Variants in ANKRD45 observed in about 807,000 individuals in gnomAD.
The protein encoded by ANKRD45 is ankyrin repeat domain 45.
ANKRD45 carries 21 observed loss-of-function variants against 28.1 expected under a neutral mutation model. The observed-to-expected ratio is 0.75, with a 90% CI of 0.53 to 1.08. The LOEUF is 1.08. ANKRD45 is among the 50% of genes least tolerant of loss of function. ANKRD45 has a pLI of 0.00. For synonymous variants in ANKRD45, 86 were observed against 103.9 expected, an observed-to-expected ratio of 0.83 and a Z score of 1.05; for missense variants, 261 against 308.7, an observed-to-expected ratio of 0.85 and a Z score of 1.16.
At chr1:173,615,596 A>T (rs1667428836) in intron 5 of ANKRD45, among the ~76,000 whole-genome samples, 1 of 152,226 alleles carries the variant, frequency 6.6e-6, no homozygotes, top group African/African-American at 2.4e-5. Context: ...TAGAAAAAAA[A>T]GACAATGACA....
chr1:173,635,982 C>T (rs1355327185), intron 3 of ANKRD45: 2 of 656,766 alleles, frequency 3.0e-6, no homozygotes, highest in Non-Finnish European at 5.1e-6. Context: ...TCATTCCCAG[C>T]ATCTAGCACA....
the ANKRD45 span, among the ~76,000 whole-genome samples, chr1:173,696,663 C>T: frequency 9.2e-5 from 14 of 152,014 alleles, no homozygotes; most frequent in Admixed American, 4.6e-4. Flanking sequence ...CATGCTGTTT[C>T]GGTTACTGTA....
At chr1:173,714,857 C>G in the ANKRD45 span, 2 of 152,234 alleles carry the variant, frequency 1.3e-5, no homozygotes, top group African/African-American at 4.8e-5. Context: ...CGACTACTTC[C>G]GGAGCCGCAC....
chr1:173,705,894 T>C, the ANKRD45 span, among the ~76,000 whole-genome samples: 1 of 152,240 alleles, frequency 6.6e-6, no homozygotes, highest in South Asian at 2.1e-4. Flanking sequence ...TAAATACATA[T>C]ACACTTATAT....
At chr1:173,670,790 A>C (rs1670223623), upstream of ANKRD45, among the ~76,000 whole-genome samples, 1 of 152,234 alleles carries the variant, frequency 6.6e-6, no homozygotes, top group African/African-American at 2.4e-5. Flanking sequence ...ATAGATAGAA[A>C]ACATCTGAAA....
the ANKRD45 span, among the ~76,000 whole-genome samples, chr1:173,696,420 C>A: frequency 6.6e-6 from 1 of 152,118 alleles, no homozygotes; most frequent in African/African-American, 2.4e-5. Flanking sequence ...CACATTTAAG[C>A]CTTTAATCCA....
At chr1:173,620,930 G>A (rs917318575) in intron 5 of ANKRD45, among the ~76,000 whole-genome samples, 4 of 151,938 alleles carry the variant, frequency 2.6e-5, no homozygotes, top group African/African-American at 9.7e-5. Context: ...TAATAAATAA[G>A]AAAAGCAGAA....
chr1:173,645,872 A>G (rs1313720602), intron 3 of ANKRD45, among the ~76,000 whole-genome samples: 1 of 152,142 alleles, frequency 6.6e-6, no homozygotes, highest in Non-Finnish European at 1.5e-5. Flanking sequence ...CCACCACTCT[A>G]TAGCACAGAA....
chr1:173,631,121 G>T (rs867575011), intron 3 of ANKRD45, among the ~76,000 whole-genome samples: 67 of 151,624 alleles, frequency 4.4e-4, no homozygotes, highest in African/African-American at 1.6e-3. Context: ...GAAAATAAAA[G>T]AATAAAAAAA....
the ANKRD45 span, among the ~76,000 whole-genome samples, chr1:173,707,819 C>T: frequency 2.6e-5 from 4 of 152,152 alleles, no homozygotes; most frequent in Non-Finnish European, 5.9e-5. Context: ...CTTCAGAGGA[C>T]TTTGTTGAGA....
rs767693391 is a variant in ANKRD45, at chr1:173,659,292, C to G, written c.127G>C (p.Ala43Pro). ...AAACCCTCTACATCCCCTGTGAGAG[C>G]AGGTTGTAAAAGGGGGTTCTTAGGG... ...TGPKNPLLQP[A>P]LTGDVEGLQK... Residue 43 changes from alanine (A) to proline (P), a missense_variant, in exon 2 of 6, where the codon GCT becomes CCT. Ala to Pro is a conservative substitution (Grantham distance 27). Transcript: ENST00000333279. 2.5e-6 allele frequency: 4 copies of G among 1,613,774 alleles called. No homozygotes were observed. The African/African-American group carries it at 5.3e-5, about 22-fold the overall frequency.
intron 2 of ANKRD45, among the ~76,000 whole-genome samples, chr1:173,655,009 C>A (rs1262174543): frequency 6.6e-6 from 1 of 152,182 alleles, no homozygotes; most frequent in East Asian, 1.9e-4. Flanking sequence ...AATCTTCTTT[C>A]AAGGTTTTTA....
the ANKRD45 span, among the ~76,000 whole-genome samples, chr1:173,697,272 C>G: frequency 6.6e-6 from 1 of 152,194 alleles, no homozygotes; most frequent in African/African-American, 2.4e-5. Flanking sequence ...CTTCACCAAC[C>G]TAGCAAGGCA....
intron 2 of ANKRD45, 142 bp from the exon 3 acceptor site, chr1:173,647,155 A>T (rs891273934): frequency 1.4e-5 from 10 of 716,352 alleles, no homozygotes; most frequent in Non-Finnish European, 2.1e-5. Context: ...ACATATAGAA[A>T]ACTCATTTAG....
intron 3 of ANKRD45, among the ~76,000 whole-genome samples, chr1:173,634,332 A>T (rs35423499): frequency 6.6e-6 from 1 of 151,938 alleles, no homozygotes; most frequent in African/African-American, 2.4e-5. Flanking sequence ...TTAGATAGAT[A>T]CAATTATTTT....
chr1:173,637,853 C>A (rs1668522845), intron 3 of ANKRD45, among the ~76,000 whole-genome samples: 1 of 152,168 alleles, frequency 6.6e-6, no homozygotes, highest in Non-Finnish European at 1.5e-5. Flanking sequence ...GATTAACATT[C>A]CCCTCTGGGA....
At position 173,615,067 on chromosome 1, in the gene ANKRD45, C is replaced by T. The variant is rs972927116; in HGVS notation, c.731-4852G>A. 3.3e-5 allele frequency among the ~76,000 whole-genome samples: 5 copies of T among 152,214 alleles called. No individual in the cohort carries two copies. In the East Asian group the frequency reaches 9.7e-4, roughly 30 times the overall value. Reference sequence around the variant, plus strand: ...CTTCCAACCTCCAGTAATCCACCCGCCTCAGCCTCCCAAAGTGCTGGAATT... The same window carrying T: ...CTTCCAACCTCCAGTAATCCACCCGTCTCAGCCTCCCAAAGTGCTGGAATT... On this transcript the variant is annotated intron_variant, in intron 5 of 5. Coordinates refer to ENST00000333279, the MANE Select transcript of ANKRD45 (RefSeq NM_198493.3).
At chr1:173,677,833 C>T in the ANKRD45 span, among the ~76,000 whole-genome samples, 2 of 151,934 alleles carry the variant, frequency 1.3e-5, no homozygotes, top group Admixed American at 6.6e-5. Context: ...ATAATAATGG[C>T]ATAGGAATTA....
upstream of ANKRD45, among the ~76,000 whole-genome samples, chr1:173,672,926 G>T (rs1010262685): frequency 6.6e-6 from 1 of 152,110 alleles, no homozygotes; most frequent in South Asian, 2.1e-4. Flanking sequence ...GACAGTGAAG[G>T]CCTGGTGAAC....
Sources: allele counts gnomAD v4.1 joint callset (sites outside exome capture counted in the v4.1 genomes callset), GRCh38; gene constraint gnomAD v4.1.1; transcripts MANE v1.5; gene names NCBI Gene and HGNC (gene_info 2026-07-23, HGNC 2026-07-21).